Variants in SRPK2 observed in about 807,000 individuals in gnomAD.
The protein encoded by SRPK2 is SRSF protein kinase 2.
Under a neutral mutation model 90.8 loss-of-function variants are expected in SRPK2, and 21 were observed. The ratio of observed to expected loss-of-function variants is 0.23; its 90% confidence interval spans 0.16 to 0.33. The LOEUF (loss-of-function observed/expected upper bound fraction) is 0.33. SRPK2 is among the 10% of genes least tolerant of loss of function. The probability of loss-of-function intolerance (pLI) is 1.00; values close to 1 mark genes in which losing one functional copy is unlikely to be tolerated. For synonymous variants in SRPK2, 288 were observed against 311.1 expected, an observed-to-expected ratio of 0.93 and a Z score of 0.78; for missense variants, 620 against 869.0, an observed-to-expected ratio of 0.71 and a Z score of 3.60.
At chr7:105,280,685 C>T (rs1198094194) in intron 2 of SRPK2, among the ~76,000 whole-genome samples, 2 of 150,426 alleles carry the variant, frequency 1.3e-5, no homozygotes, top group African/African-American at 4.9e-5. Context: ...CAGTGGCTCA[C>T]CCCTGTAATC....
chr7:105,395,008 A>T (rs1277807531), intron 1 of SRPK2, among the ~76,000 whole-genome samples: 1 of 152,082 alleles, frequency 6.6e-6, no homozygotes, highest in African/African-American at 2.4e-5. Context: ...CCCCATCTCT[A>T]CTAAAAATAC....
intron 2 of SRPK2, among the ~76,000 whole-genome samples, chr7:105,327,926 G>A (rs1050746373): frequency 4.6e-5 from 7 of 152,082 alleles, no homozygotes; most frequent in Admixed American, 3.9e-4. Context: ...TCAGCCTCCC[G>A]AGTAGCCGGG....
chr7:105,142,066 A>G lies in SRPK2; in HGVS notation c.1485T>C (p.Ser495=), dbSNP rs1230370089. The change falls in exon 11 of 16, where the codon AGT becomes AGC. Residue 495 remains serine, a synonymous_variant. Coordinates refer to ENST00000393651, the MANE Select transcript of SRPK2 (RefSeq NM_182692.3). ...GSPLTEQEES[S]PSHDRSRTVS... ...CCGTTCTGCTTCTGTCATGGGATGGACTGCTCTCCTCTTGCTCAGTAAGTG... is the reference window on the plus strand; with the variant it reads ...CCGTTCTGCTTCTGTCATGGGATGGGCTGCTCTCCTCTTGCTCAGTAAGTG... The G allele has an allele frequency of 6.2e-7, 1 of 1,614,126 alleles. No individual in the cohort carries two copies. Among genetic ancestry groups the G allele is most frequent in the African/African-American group, 1.3e-5 (1 of 75,034 alleles).
At chr7:105,298,618 A>T (rs2131198674) in intron 2 of SRPK2, 1 of 656,252 alleles carries the variant, frequency 1.5e-6, no homozygotes, top group Middle Eastern at 8.0e-4. Context: ...TCTCTTACAA[A>T]AAGGAAAAGC....
intron 2 of SRPK2, among the ~76,000 whole-genome samples, chr7:105,236,873 C>T (rs761974270): frequency 1.3e-5 from 2 of 152,192 alleles, no homozygotes; most frequent in African/African-American, 4.8e-5. Context: ...ACCACCTCCA[C>T]AAATATAGAG....
At chr7:105,118,917 T>A (rs1799938563) in intron 15 of SRPK2, among the ~76,000 whole-genome samples, 1 of 152,170 alleles carries the variant, frequency 6.6e-6, no homozygotes, top group Non-Finnish European at 1.5e-5. Flanking sequence ...TGTCTCCCCA[T>A]AACCTTTTCA....
At chr7:105,246,069 C>T (rs1158238738) in intron 2 of SRPK2, among the ~76,000 whole-genome samples, 1 of 152,152 alleles carries the variant, frequency 6.6e-6, no homozygotes, top group East Asian at 1.9e-4. Context: ...AAGGTTACAT[C>T]GGCAAAAATC....
At chr7:105,392,117 GT>G (rs1177205033), upstream of SRPK2, among the ~76,000 whole-genome samples, 3 of 152,156 alleles carry the variant, frequency 2.0e-5, no homozygotes, top group African/African-American at 4.8e-5. Flanking sequence ...GTCACATATT[GT>G]ATGATTCCAT....
At chr7:105,157,781 T>A (rs1390323329) in intron 7 of SRPK2, among the ~76,000 whole-genome samples, 1 of 152,156 alleles carries the variant, frequency 6.6e-6, no homozygotes, top group African/African-American at 2.4e-5. Context: ...ACAGTGAGGA[T>A]AACACACGCA....
chr7:105,343,110 T>G (rs1241223429), intron 2 of SRPK2, among the ~76,000 whole-genome samples: 1 of 152,184 alleles, frequency 6.6e-6, no homozygotes, highest in Non-Finnish European at 1.5e-5. Context: ...TTGAAAGTCC[T>G]GAATGTCTGA....
chr7:105,274,818 C>T (rs771510967), intron 2 of SRPK2, among the ~76,000 whole-genome samples: 2 of 152,022 alleles, frequency 1.3e-5, no homozygotes, highest in Non-Finnish European at 2.9e-5. Context: ...GGATTTGAGA[C>T]TGAGCTCCCA....
chr7:105,188,583 C>T (rs1793886512), intron 3 of SRPK2, among the ~76,000 whole-genome samples: 1 of 152,166 alleles, frequency 6.6e-6, no homozygotes, highest in Admixed American at 6.5e-5. Flanking sequence ...AAATCCCCAA[C>T]AAAATCTGGA....
At chr7:105,280,910 G>A (rs1220022348) in intron 2 of SRPK2, among the ~76,000 whole-genome samples, 1 of 113,158 alleles carries the variant, frequency 8.8e-6, no homozygotes, top group African/African-American at 3.5e-5. Flanking sequence ...TAGCGCCACT[G>A]CACTCCAGCC....
intron 2 of SRPK2, among the ~76,000 whole-genome samples, chr7:105,388,299 C>A (rs1821879993): frequency 6.6e-6 from 1 of 151,434 alleles, no homozygotes; most frequent in South Asian, 2.1e-4. Context: ...GGGCCCCTTC[C>A]GGAAAGGGCC....
intron 2 of SRPK2, among the ~76,000 whole-genome samples, chr7:105,375,132 T>C (rs189787089): frequency 7.4e-4 from 113 of 152,280 alleles, no homozygotes; most frequent in African/African-American, 2.6e-3. Context: ...TTTCTAGATA[T>C]GGCATATAAT....
intron 3 of SRPK2, among the ~76,000 whole-genome samples, chr7:105,176,577 GTGTATGTA>G (rs1202010201): frequency 8.2e-6 from 1 of 122,352 alleles, no homozygotes; most frequent in Non-Finnish European, 1.8e-5. Flanking sequence ...GTGTGTGTGT[GTGTATGTA>G]TATATGTGTG....
At chr7:105,234,896 G>A (rs932445074) in intron 2 of SRPK2, among the ~76,000 whole-genome samples, 2 of 152,364 alleles carry the variant, frequency 1.3e-5, no homozygotes, top group East Asian at 1.9e-4. Flanking sequence ...TCCACAAGAA[G>A]AAAGAGGTGT....
intron 14 of SRPK2, 26 bp downstream of exon 14, chr7:105,126,967 G>C: frequency 6.2e-7 from 1 of 1,611,302 alleles, no homozygotes; most frequent in Non-Finnish European, 8.5e-7. Context: ...CCTAGACCGA[G>C]GTATTCAGCA....
At chr7:105,169,589 T>C (rs1256925668) in intron 3 of SRPK2, among the ~76,000 whole-genome samples, 1 of 152,068 alleles carries the variant, frequency 6.6e-6, no homozygotes, top group Non-Finnish European at 1.5e-5. Flanking sequence ...CAGCAGGGCA[T>C]GGTGGCGAGC....
Sources: allele counts gnomAD v4.1 joint callset (sites outside exome capture counted in the v4.1 genomes callset), GRCh38; gene constraint gnomAD v4.1.1; transcripts MANE v1.5; gene names NCBI Gene and HGNC (gene_info 2026-07-23, HGNC 2026-07-21).